ADGRB1: variants seen among roughly 807,000 people sequenced by gnomAD.
ADGRB1 encodes brain-specific angiogenesis inhibitor 1.
Under a neutral mutation model 175.7 loss-of-function variants are expected in ADGRB1, and 36 were observed. The ratio of observed to expected loss-of-function variants is 0.20; its 90% CI spans 0.16 to 0.27. The LOEUF (loss-of-function observed/expected upper bound fraction) is 0.27. Ranked by LOEUF, ADGRB1 falls within the 10% of genes least tolerant of loss-of-function variation. ADGRB1 has a pLI of 1.00. For missense variants in ADGRB1, 1,731 were observed against 2,255.3 expected, an observed-to-expected ratio of 0.77 and a Z score of 4.71; for synonymous variants, 1,054 against 979.4, an observed-to-expected ratio of 1.08 and a Z score of -1.42.
intron 16 of ADGRB1, 125 bp downstream of exon 16, chr8:142,489,563 T>A (rs992174854): frequency 2.0e-6 from 2 of 1,004,192 alleles, no homozygotes; most frequent in South Asian, 3.0e-5. Flanking sequence ...GAGAGCTACT[T>A]TTATCCCTGG....
At chr8:142,468,525 G>A (rs549023555) in intron 2 of ADGRB1, among the ~76,000 whole-genome samples, 2 of 152,280 alleles carry the variant, frequency 1.3e-5, no homozygotes, top group African/African-American at 4.8e-5. Context: ...GATGCTTCCA[G>A]GACCACAGCA....
rs1335481789 is a variant in ADGRB1 at position 142,493,780 on chromosome 8, G to A, written c.2675+2965G>A. On this transcript the variant is annotated intron_variant, in intron 17 of 30. Coordinates refer to ENST00000517894, the MANE Select transcript of ADGRB1 (RefSeq NM_001702.3). The surrounding 1 kb of genome is among the most constrained non-coding windows in gnomAD (Gnocchi z 5.0). The stretch of plus-strand genomic sequence containing the variant: ...GAGCCCTAGAGGGCGGGCCACGGCT[G>A]GCAGGGAAGGACTGGGACTGACCTC... Among the ~76,000 whole-genome samples the A allele has an allele frequency of 6.6e-6, 1 of 152,244 alleles. No homozygotes were observed. Among genetic ancestry groups the A allele is most frequent in the Middle Eastern group, 3.2e-3 (1 of 316 alleles).
rs190323174 is a variant in ADGRB1, at chr8:142,523,692, G to A, written c.3246-546G>A. 2.0e-4 allele frequency among the ~76,000 whole-genome samples: 31 copies of A among 151,494 alleles called. No homozygotes were observed. The East Asian group carries it at 4.9e-3, about 24-fold the overall frequency. ...CATGAGGTAGGCTGCTCAGGGTAGAGGGAACGGTCCTTATTGGGTTTCAGG... is the reference window on the plus strand; with the variant it reads ...CATGAGGTAGGCTGCTCAGGGTAGAAGGAACGGTCCTTATTGGGTTTCAGG... On this transcript the variant is annotated intron_variant, in intron 22 of 30. Coordinates refer to ENST00000517894, the MANE Select transcript of ADGRB1 (RefSeq NM_001702.3).
At position 142,543,562 on chromosome 8, in the gene ADGRB1, C is replaced by T. The variant is rs1049597978; in HGVS notation, c.4450-39C>T. The T allele has an allele frequency of 1.3e-5, 21 of 1,574,342 alleles. No homozygotes were observed. The highest frequency in any genetic ancestry group is 1.7e-4 in the Middle Eastern group (1 of 6,050). On this transcript the variant is annotated intron_variant, in intron 29 of 30. Transcript: ENST00000517894. The surrounding 1 kb of genome is among the most constrained non-coding windows in gnomAD (Gnocchi z 4.4). ...GGCAGGCAGGATGGGCCATGCCCTC[C>T]TCCTGGCCCAGGACTCACTGCCCAG...
chr8:142,534,576 G>T (rs535675429), intron 25 of ADGRB1, among the ~76,000 whole-genome samples: 210 of 152,340 alleles, frequency 1.4e-3, no homozygotes, highest in Middle Eastern at 6.8e-3. Context: ...ACAAGAGGAG[G>T]AAGAGCCAGA....
rs1339880704 is a variant in ADGRB1, at chr8:142,542,339, A to G, written c.4105A>G (p.Ile1369Val). Residue 1369 changes from isoleucine to valine, a missense_variant, in exon 28 of 31, where the codon ATT (isoleucine) becomes GTT (valine). Physicochemically the swap from Ile to Val is conservative, Grantham distance 29. Coordinates refer to ENST00000517894, the MANE Select transcript of ADGRB1 (RefSeq NM_001702.3). The surrounding 1 kb of genome is among the most constrained non-coding windows in gnomAD (Gnocchi z 6.3). ...PKEEPKYSIH[I>V]DQMPQTRLIH... Reference sequence around the variant, plus strand: ...GGAGGAGCCCAAGTACAGCATCCACATTGACCAGATGCCGCAGACCCGCCT... The same window carrying G: ...GGAGGAGCCCAAGTACAGCATCCACGTTGACCAGATGCCGCAGACCCGCCT... The G allele has an allele frequency of 6.2e-7, 1 of 1,605,498 alleles. No homozygotes were observed. The highest frequency in any genetic ancestry group is 1.7e-5 in the Admixed American group (1 of 58,836).
At chr8:142,458,157 C>G (rs1006628562) in intron 1 of ADGRB1, among the ~76,000 whole-genome samples, 2 of 152,126 alleles carry the variant, frequency 1.3e-5, no homozygotes, top group Non-Finnish European at 2.9e-5. Flanking sequence ...GGCCCAGGGT[C>G]GGGTCTGTCC....
chr8:142,523,696 A>G (rs566749218), intron 22 of ADGRB1, among the ~76,000 whole-genome samples: 1 of 144,836 alleles, frequency 6.9e-6, no homozygotes, highest in South Asian at 2.2e-4. Context: ...GGTAGAGGGA[A>G]CGGTCCTTAT....
chr8:142,518,318 C>A (rs1587395344), intron 19 of ADGRB1, 77 bp downstream of exon 19: 4 of 1,494,908 alleles, frequency 2.7e-6, no homozygotes, highest in Non-Finnish European at 2.8e-6. Flanking sequence ...AGGTCACGGG[C>A]GGGGTCGTGG....
chr8:142,534,557 C>T (rs1044477381), intron 25 of ADGRB1, among the ~76,000 whole-genome samples: 3 of 152,174 alleles, frequency 2.0e-5, no homozygotes, highest in African/African-American at 4.8e-5. Context: ...AATCTGACTT[C>T]GAGGAAAGAC....
At chr8:142,520,594 TGTGATGGTGGTGATGGTTGTGTTG>T (rs1843777684) in intron 19 of ADGRB1, among the ~76,000 whole-genome samples, 1 of 45,610 alleles carries the variant, frequency 2.2e-5, no homozygotes, top group Non-Finnish European at 5.5e-5. Flanking sequence ...TGGTACTGAT[TGTGATGGTGGTGATGGTTGTGTTG>T]GTGATGGTGG....
At position 142,508,087 on chromosome 8, in the gene ADGRB1, C is replaced by T. The variant is rs75245846; in HGVS notation, c.2676-2845C>T. ...GTCTGGCTGCATGCCCCCTCCCACC[C>T]GGGGCCTACAGCTGAACCTTGACTT... On this transcript the variant is annotated intron_variant, in intron 17 of 30. Coordinates refer to ENST00000517894, the MANE Select transcript of ADGRB1 (RefSeq NM_001702.3). Among the ~76,000 whole-genome samples, 48 of 152,226 alleles carry T rather than the reference C, an allele frequency of 3.2e-4. No individual in the cohort carries two copies. The East Asian group carries it at 9.1e-3, about 29-fold the overall frequency.
rs1204646015 is a variant in ADGRB1 at position 142,510,217 on chromosome 8, T to C, written c.2676-715T>C. Among the ~76,000 whole-genome samples the C allele has an allele frequency of 6.6e-6, 1 of 151,958 alleles. No individual in the cohort carries two copies. The highest frequency in any genetic ancestry group is 1.5e-5 in the Non-Finnish European group (1 of 67,948). On this transcript the variant is annotated intron_variant, in intron 17 of 30. Coordinates refer to ENST00000517894, the MANE Select transcript of ADGRB1 (RefSeq NM_001702.3). The surrounding 1 kb of genome is among the most constrained non-coding windows in gnomAD (Gnocchi z 6.3). ...TCCTGTGCTTAAATGCGTGCTCAGA[T>C]GAAAAGCGGGGCAGTCGCGGCCCGT... is the stretch of plus-strand genomic sequence containing the variant.
chr8:142,455,963 G>A lies in ADGRB1; in HGVS notation c.-220+5859G>A, dbSNP rs1337909083. On this transcript the variant is annotated intron_variant, in intron 1 of 30. Coordinates refer to ENST00000517894, the MANE Select transcript of ADGRB1 (RefSeq NM_001702.3). The surrounding 1 kb of genome is among the most constrained non-coding windows in gnomAD (Gnocchi z 4.9). ...AGAGTGCCAGAGCGTCCAGGGTAGC[G>A]CCTGTGTAGTGCCAGGGAGGGTAGG... Among the ~76,000 whole-genome samples the A allele has an allele frequency of 5.9e-5, 9 of 152,238 alleles. No individual in the cohort carries two copies. The highest frequency in any genetic ancestry group is 3.4e-3 in the Middle Eastern group (1 of 294).
Position 142,464,091 on chromosome 8 carries a change from C to CAG in ADGRB1, c.-108_-107insAG. On this transcript the variant is annotated 5_prime_UTR_variant, in exon 2 of 31. Coordinates refer to ENST00000517894, the MANE Select transcript of ADGRB1 (RefSeq NM_001702.3). ...TCCCATCCCACCCTTGCCCCGCCTC[C>CAG]CTGCCCCCACCGGGCCGGCCCTGCC... 5 of 917,856 alleles carry CAG rather than the reference C, an allele frequency of 5.4e-6. No individual in the cohort carries two copies. Among genetic ancestry groups the CAG allele is most frequent in the Non-Finnish European group, 7.0e-6 (5 of 715,202 alleles). The allele number at this position is 917,856 out of a possible 1,614,324, so 56.9% of individuals were successfully genotyped here. A position where few individuals can be genotyped will look rare whatever the true frequency, so the allele number is the denominator to read the frequency against.
At chr8:142,472,104 G>A (rs998454986) in intron 2 of ADGRB1, among the ~76,000 whole-genome samples, 2 of 152,360 alleles carry the variant, frequency 1.3e-5, no homozygotes, top group African/African-American at 2.4e-5. Flanking sequence ...ACAGACAGAA[G>A]TGCACAGCTC....
Position 142,479,482 on chromosome 8 carries a change from G to T in ADGRB1, c.1721G>T (p.Cys574Phe). The change falls in exon 8 of 31, where the codon TGT becomes TTT. Residue 574 changes from cysteine (C) to phenylalanine (F), a missense_variant. Around this residue, in one of 8 missense-constraint regions of ADGRB1, gnomAD observed 388 missense variants for 630.9 expected, o/e 0.61. Coordinates refer to ENST00000517894, the MANE Select transcript of ADGRB1 (RefSeq NM_001702.3). ...TACCGGCAGTGCGGCACCCAGCGGT[G>T]TCCCGGTGAGGCCCCTCCTACCTGG... ...DEYRQCGTQR[C>F]PEPHEICDED... 1 of 1,543,622 alleles carries T rather than the reference G, an allele frequency of 6.5e-7. No individual in the cohort carries two copies.
intron 26 of ADGRB1, among the ~76,000 whole-genome samples, chr8:142,539,167 C>T (rs570925930): frequency 1.3e-5 from 2 of 152,320 alleles, no homozygotes; most frequent in East Asian, 3.9e-4. Context: ...CACTCACACA[C>T]GCATCCACCC....
In ADGRB1 at chr8:142,449,759, G is replaced by C. The variant is rs1040839292; in HGVS notation, c.-565G>C. ...GCGTTGGCGGCGGCCCCGGCGGAGC[G>C]AGCGCGGAGCCGGAGAGCCGGGAGC... On this transcript the variant is annotated 5_prime_UTR_variant, in exon 1 of 31. Transcript: ENST00000517894. 4 of 146,466 alleles carry C rather than the reference G, an allele frequency of 2.7e-5. No homozygotes were observed. Among genetic ancestry groups the C allele is most frequent in the Non-Finnish European group, 6.1e-5 (4 of 65,706 alleles). The allele number at this position is 146,466 out of a possible 1,614,324, so 9.1% of individuals were successfully genotyped here. A position where few individuals can be genotyped will look rare whatever the true frequency, so the allele number is the denominator to read the frequency against.
Sources: allele counts gnomAD v4.1 joint callset (sites outside exome capture counted in the v4.1 genomes callset), GRCh38; gene constraint gnomAD v4.1.1; regional missense constraint gnomAD v4.1.1; non-coding constraint Gnocchi (gnomAD v3.1); transcripts MANE v1.5; gene names NCBI Gene and HGNC (gene_info 2026-07-23, HGNC 2026-07-21).